The following MYO1D variants were observed in gnomAD, a reference collection of about 807,000 sequenced individuals.
MYO1D encodes the protein myosin ID, also known as unconventional myosin-Id.
Under a neutral mutation model 122.0 loss-of-function variants are expected in MYO1D, and 83 were observed. The observed-to-expected ratio is 0.68, with a 90% CI of 0.57 to 0.82. The LOEUF is 0.82. Ranked by LOEUF, MYO1D falls within the 40% of genes least tolerant of loss-of-function variation. The pLI is 0.00. For missense variants in MYO1D, 1,157 were observed against 1,269.5 expected, an observed-to-expected ratio of 0.91 and a Z score of 1.35; for synonymous variants, 464 against 446.9, an observed-to-expected ratio of 1.04 and a Z score of -0.48.
chr17:32,645,666 C>T (rs2088280721), intron 19 of MYO1D, among the ~76,000 whole-genome samples: 1 of 152,142 alleles, frequency 6.6e-6, no homozygotes, highest in Non-Finnish European at 1.5e-5. Flanking sequence ...TCTTCAATCA[C>T]TGATACCCTT....
At chr17:32,504,086 GA>G (rs1909413536) in intron 21 of MYO1D, among the ~76,000 whole-genome samples, 1 of 152,180 alleles carries the variant, frequency 6.6e-6, no homozygotes. Context: ...TTTGTATTTG[GA>G]AAGTAAAACC....
chr17:32,624,216 GT>G (rs3040378), intron 20 of MYO1D, among the ~76,000 whole-genome samples: 103 of 137,896 alleles, frequency 7.5e-4, no homozygotes, highest in East Asian at 3.7e-3. Flanking sequence ...TTTTCTTTAA[GT>G]TTTTTTTTTT....
chr17:32,722,092 A>G (rs1215351776), intron 14 of MYO1D, among the ~76,000 whole-genome samples: 1 of 152,220 alleles, frequency 6.6e-6, no homozygotes, highest in Non-Finnish European at 1.5e-5. Context: ...TAATTTAAGA[A>G]GTAGGAGAGA....
At chr17:32,835,006 G>C (rs753913836) in intron 1 of MYO1D, among the ~76,000 whole-genome samples, 15 of 152,070 alleles carry the variant, frequency 9.9e-5, no homozygotes, top group Admixed American at 3.9e-4. Context: ...GTAAGACTCT[G>C]CTTCAAAAAC....
intron 1 of MYO1D, among the ~76,000 whole-genome samples, chr17:32,874,049 C>G (rs1294595437): frequency 6.6e-6 from 1 of 152,178 alleles, no homozygotes; most frequent in East Asian, 1.9e-4. Flanking sequence ...ACCTGGAATG[C>G]TCTCCAGCCA....
intron 10 of MYO1D, chr17:32,759,879 T>C (rs2089982095): frequency 6.7e-6 from 3 of 450,740 alleles, no homozygotes; most frequent in Non-Finnish European, 1.2e-5. Flanking sequence ...CTGAAGACAA[T>C]AAAATACCAT....
At chr17:32,586,178 G>A (rs1446918036) in intron 21 of MYO1D, among the ~76,000 whole-genome samples, 1 of 152,142 alleles carries the variant, frequency 6.6e-6, no homozygotes, top group Non-Finnish European at 1.5e-5. Context: ...ATAAGAATTC[G>A]TTTTCTGAGC....
intron 21 of MYO1D, among the ~76,000 whole-genome samples, chr17:32,585,294 A>G (rs1567898681): frequency 6.6e-6 from 1 of 152,052 alleles, no homozygotes; most frequent in Non-Finnish European, 1.5e-5. Flanking sequence ...TAGGCCTGGT[A>G]TCTTTCTTCC....
intron 1 of MYO1D, among the ~76,000 whole-genome samples, chr17:32,800,845 C>CT (rs1385277464): frequency 6.6e-6 from 1 of 152,028 alleles, no homozygotes; most frequent in Non-Finnish European, 1.5e-5. Context: ...GTAGCTAGGA[C>CT]TACAGGTGCG....
At chr17:32,738,765 A>G (rs914434235) in intron 13 of MYO1D, among the ~76,000 whole-genome samples, 4 of 152,194 alleles carry the variant, frequency 2.6e-5, no homozygotes, top group African/African-American at 9.7e-5. Flanking sequence ...AATGATCCTC[A>G]ATGTCACAGC....
chr17:32,601,089 T>C (rs8067683), intron 21 of MYO1D, among the ~76,000 whole-genome samples: 46,585 of 151,802 alleles, frequency 0.31, 7,363 homozygotes, highest in South Asian at 0.37. Context: ...TGCACCACCA[T>C]GCTTGACTAA....
At chr17:32,706,604 A>AG (rs2089310914) in intron 16 of MYO1D, among the ~76,000 whole-genome samples, 1 of 152,218 alleles carries the variant, frequency 6.6e-6, no homozygotes, top group African/African-American at 2.4e-5. Context: ...GTGGAATTTC[A>AG]ATTTAGTGGA....
At chr17:32,508,150 C>T (rs1909564687) in intron 21 of MYO1D, among the ~76,000 whole-genome samples, 1 of 151,644 alleles carries the variant, frequency 6.6e-6, no homozygotes. Flanking sequence ...CCGCCTTGGC[C>T]TCCCAAAGTG....
chr17:32,662,575 AG>A lies in MYO1D; in HGVS notation c.2122-3238del, dbSNP rs1209076210. The stretch of plus-strand genomic sequence containing the variant: ...GTAATTCCAGCTACTCGTGAGGCTG[AG>A]GCAGGAGAATCGCCTGAACCTGGGA... On this transcript the variant is annotated intron_variant, in intron 16 of 21. Coordinates refer to ENST00000318217, the MANE Select transcript of MYO1D (RefSeq NM_015194.3). 6.6e-5 allele frequency among the ~76,000 whole-genome samples: 10 copies of A among 152,216 alleles called. No individual in the cohort carries two copies. In the South Asian group the frequency reaches 1.2e-3, roughly 19 times the overall value.
chr17:32,518,363 T>C (rs1008918131), intron 21 of MYO1D: 1 of 152,356 alleles, frequency 6.6e-6, no homozygotes, highest in Non-Finnish European at 1.5e-5. Context: ...TGCGAAGAGC[T>C]CTCGCGGTAA....
At chr17:32,844,954 C>T (rs767580913) in intron 1 of MYO1D, among the ~76,000 whole-genome samples, 1 of 151,154 alleles carries the variant, frequency 6.6e-6, no homozygotes, top group African/African-American at 2.4e-5. Context: ...TCTATTGACA[C>T]GTAAAATGTC....
intron 21 of MYO1D, among the ~76,000 whole-genome samples, chr17:32,599,855 G>T (rs1339976386): frequency 6.6e-6 from 1 of 152,180 alleles, no homozygotes; most frequent in Non-Finnish European, 1.5e-5. Context: ...GTTTCACCAT[G>T]TTGGCCAGGC....
chr17:32,874,394 G>A (rs1297839850), intron 1 of MYO1D, among the ~76,000 whole-genome samples: 2 of 151,938 alleles, frequency 1.3e-5, no homozygotes, highest in Admixed American at 6.6e-5. Context: ...ACAGGCTGGA[G>A]TACAGTGGTG....
intron 1 of MYO1D, among the ~76,000 whole-genome samples, chr17:32,818,125 CAAAA>C (rs58466009): frequency 3.9e-4 from 18 of 46,014 alleles, no homozygotes; most frequent in African/African-American, 1.1e-3. Context: ...GACTCCGTCT[CAAAA>C]AAAAAAAAAA....
Sources: gnomAD v4.1 joint callset for allele counts (sites outside exome capture counted in the v4.1 genomes callset) on GRCh38, gnomAD v4.1.1 for gene constraint, MANE v1.5 for transcripts, NCBI Gene and HGNC (gene_info 2026-07-23, HGNC 2026-07-21) for gene names.